LYN: variants seen among roughly 807,000 people sequenced by gnomAD.
The protein encoded by LYN is LYN proto-oncogene, Src family tyrosine kinase, also known as tyrosine-protein kinase Lyn.
A neutral mutation model predicts 65.0 loss-of-function variants in LYN; 12 were observed. The ratio of observed to expected loss-of-function variants is 0.18; its 90% CI spans 0.12 to 0.30. The LOEUF (loss-of-function observed/expected upper bound fraction) is 0.30, where lower values mean the gene tolerates loss of function less well. LYN is among the 10% of genes least tolerant of loss of function. The pLI, the probability that LYN is intolerant of heterozygous loss-of-function variation, is 1.00. For synonymous variants in LYN, 222 were observed against 221.2 expected, an observed-to-expected ratio of 1.00 and a Z score of -0.03; for missense variants, 380 against 623.2, an observed-to-expected ratio of 0.61 and a Z score of 4.16.
intron 1 of LYN, among the ~76,000 whole-genome samples, chr8:55,935,625 T>C (rs920585762): frequency 6.6e-6 from 1 of 151,934 alleles, no homozygotes; most frequent in African/African-American, 2.4e-5. Flanking sequence ...AATACAAAAA[T>C]TAGCCATGCT....
intron 10 of LYN, among the ~76,000 whole-genome samples, chr8:55,997,756 G>A (rs1211635833): frequency 6.6e-6 from 1 of 152,188 alleles, no homozygotes; most frequent in Non-Finnish European, 1.5e-5. Flanking sequence ...GATGAATTTA[G>A]CAGGGTCTTG....
intron 1 of LYN, chr8:55,902,676 T>C: frequency 2.4e-6 from 1 of 415,926 alleles, no homozygotes; most frequent in Non-Finnish European, 4.7e-6. Flanking sequence ...AATGTTATTT[T>C]GAAAGTCAAC....
intron 1 of LYN, among the ~76,000 whole-genome samples, chr8:55,900,580 T>A (rs1805234821): frequency 6.7e-6 from 1 of 149,446 alleles, no homozygotes; most frequent in South Asian, 2.1e-4. Flanking sequence ...AGGACCTTAC[T>A]ATGGTGCCCA....
chr8:55,950,856 C>G, intron 6 of LYN, 72 bp downstream of exon 6: 1 of 1,120,668 alleles, frequency 8.9e-7, no homozygotes, highest in Admixed American at 1.9e-5. Flanking sequence ...TCTAGAGCTA[C>G]TCAAGGGGAA....
rs779237059 is a variant in LYN at position 55,950,453 on chromosome 8, T to C, written c.285-6T>C. ...AGCTTCTTTTTGATGTGTATTTCTA[T>C]TCTAGGCATGGAGAATGGTGGAAAG... On this transcript the variant is annotated splice_polypyrimidine_tract_variant and splice_region_variant and intron_variant, in intron 4 of 12. Coordinates refer to ENST00000519728, the MANE Select transcript of LYN (RefSeq NM_002350.4). 1.2e-6 allele frequency: 2 copies of C among 1,600,140 alleles called. No individual in the cohort carries two copies. The highest frequency in any genetic ancestry group is 2.2e-5 in the South Asian group (2 of 89,218).
chr8:55,953,764 T>G, intron 7 of LYN, 68 bp from the exon 8 acceptor site: 1 of 1,511,272 alleles, frequency 6.6e-7, no homozygotes, highest in Non-Finnish European at 9.0e-7. Flanking sequence ...GTTCAACTTT[T>G]CTTTATAGAC....
intron 1 of LYN, among the ~76,000 whole-genome samples, chr8:55,889,449 T>C (rs1035705112): frequency 6.6e-6 from 1 of 152,158 alleles, no homozygotes; most frequent in Non-Finnish European, 1.5e-5. Flanking sequence ...GGGATCCACC[T>C]GCCTCAGCCT....
chr8:55,930,095 T>C (rs1277183163), intron 1 of LYN, among the ~76,000 whole-genome samples: 2 of 152,192 alleles, frequency 1.3e-5, no homozygotes, highest in Admixed American at 1.3e-4. Flanking sequence ...AGTTTCATCC[T>C]GAAACCACCA....
chr8:55,882,306 AG>A (rs367829178), intron 1 of LYN, among the ~76,000 whole-genome samples: 275 of 152,332 alleles, frequency 1.8e-3, no homozygotes, highest in African/African-American at 6.3e-3. Context: ...TTCTTTTAGC[AG>A]AAAAGTGGTC....
At chr8:56,001,244 GTGAA>G (rs374876510) in intron 12 of LYN, among the ~76,000 whole-genome samples, 2 of 152,046 alleles carry the variant, frequency 1.3e-5, no homozygotes, top group Admixed American at 6.6e-5. Flanking sequence ...GGATGGATGG[GTGAA>G]TGAATGAATG....
At chr8:55,909,057 C>A (rs1805525436) in intron 1 of LYN, among the ~76,000 whole-genome samples, 1 of 108,002 alleles carries the variant, frequency 9.3e-6, no homozygotes. Flanking sequence ...ACACACCCCA[C>A]ATTTTCTTTA....
At chr8:55,882,916 G>T (rs1169473979) in intron 1 of LYN, among the ~76,000 whole-genome samples, 1 of 152,142 alleles carries the variant, frequency 6.6e-6, no homozygotes, top group East Asian at 1.9e-4. Flanking sequence ...AATTACAAAT[G>T]CCTCTCAACT....
chr8:55,901,981 T>A (rs375032150), intron 1 of LYN, among the ~76,000 whole-genome samples: 1 of 152,010 alleles, frequency 6.6e-6, no homozygotes, highest in Non-Finnish European at 1.5e-5. Context: ...TCAGTGATGA[T>A]GTATCATCAT....
intron 1 of LYN, among the ~76,000 whole-genome samples, chr8:55,902,016 T>C (rs1198633689): frequency 1.8e-5 from 1 of 54,796 alleles, no homozygotes. Context: ...CTGTACTTTC[T>C]TTTTTTTTTG....
intron 1 of LYN, among the ~76,000 whole-genome samples, chr8:55,935,092 G>A (rs1490495839): frequency 2.0e-5 from 3 of 152,180 alleles, no homozygotes; most frequent in Non-Finnish European, 2.9e-5. Flanking sequence ...GCAGCTCTGT[G>A]ATCTGAGGGA....
chr8:55,909,000 T>TACAC lies in LYN; in HGVS notation c.-6+28898_-6+28899insCACA, dbSNP rs1563504735. On this transcript the variant is annotated intron_variant, in intron 1 of 12. Transcript: ENST00000519728. ...ATTCCATTGTGTATGTATATATATA[T>TACAC]ATATATATATACACACACACACACA... is the stretch of plus-strand genomic sequence containing the variant. Among the ~76,000 whole-genome samples the TACAC allele has an allele frequency of 4.5e-4, 11 of 24,342 alleles. 1 individual carries two copies. In the East Asian group the frequency reaches 0.016, roughly 36 times the overall value. The allele number at this position is 24,342 out of a possible 152,430, so 16.0% of individuals were successfully genotyped here.
chr8:55,984,014 T>C (rs931179062), intron 10 of LYN, among the ~76,000 whole-genome samples: 1 of 152,160 alleles, frequency 6.6e-6, no homozygotes, highest in Non-Finnish European at 1.5e-5. Flanking sequence ...TTCTGGCAGC[T>C]CCGATGTTCC....
intron 1 of LYN, among the ~76,000 whole-genome samples, chr8:55,906,734 A>G (rs908486512): frequency 4.8e-5 from 6 of 123,950 alleles, no homozygotes; most frequent in South Asian, 4.6e-4. Context: ...AGAAAAAAAA[A>G]AGAGAGAGAG....
Position 55,964,302 on chromosome 8 carries a change from G to A in LYN, c.791-2413G>A, listed in dbSNP as rs113051495. On this transcript the variant is annotated intron_variant, in intron 8 of 12. Transcript: ENST00000519728. ...TAGTCTTGAACTCCTGGGCTCAAGC[G>A]ATCCTCCTGCCTCTCAAAGTGCTGG... Among the ~76,000 whole-genome samples, 1,157 of 151,994 alleles carry A rather than the reference G, an allele frequency of 7.6e-3. 28 individuals are homozygous for A. Among genetic ancestry groups the A allele is most frequent in the African/African-American group, 0.027 (1,101 of 41,452 alleles).
Sources: gnomAD v4.1 joint callset for allele counts (sites outside exome capture counted in the v4.1 genomes callset) on GRCh38, gnomAD v4.1.1 for gene constraint, MANE v1.5 for transcripts, NCBI Gene and HGNC (gene_info 2026-07-23, HGNC 2026-07-21) for gene names.